Variants in PEX5L observed in about 807,000 individuals in gnomAD.
PEX5L encodes PEX5-related protein.
A neutral mutation model predicts 84.0 loss-of-function variants in PEX5L; 30 were observed. That is an observed-to-expected ratio of 0.36 (90% confidence interval 0.27 to 0.48). PEX5L has a LOEUF of 0.48. Among genes scored for constraint, PEX5L ranks in the 20% least tolerant of loss-of-function variants. The probability of loss-of-function intolerance (pLI) is 0.99; values close to 1 mark genes in which losing one functional copy is unlikely to be tolerated. For missense variants in PEX5L, 533 were observed against 754.6 expected (o/e 0.71, Z 3.44); for synonymous variants, 270 against 283.1 (o/e 0.95, Z 0.46).
chr3:179,948,121 T>A (rs1002166546), intron 2 of PEX5L, among the ~76,000 whole-genome samples: 6 of 152,238 alleles, frequency 3.9e-5, no homozygotes, highest in Non-Finnish European at 8.8e-5. Flanking sequence ...CATTACCATC[T>A]AGGAATAAAT....
chr3:179,816,798 T>C (rs1164150358), intron 9 of PEX5L, among the ~76,000 whole-genome samples: 1 of 152,148 alleles, frequency 6.6e-6, no homozygotes, highest in African/African-American at 2.4e-5. Flanking sequence ...AATTTAAATT[T>C]CTGCTTTTCC....
chr3:180,024,493 T>C (rs1579392175), intron 1 of PEX5L, among the ~76,000 whole-genome samples: 1 of 144,244 alleles, frequency 6.9e-6, no homozygotes, highest in Middle Eastern at 3.7e-3. Flanking sequence ...TGCAGTGAGC[T>C]GAGATCATGC....
At chr3:179,926,414 T>C (rs1771473522) in intron 2 of PEX5L, among the ~76,000 whole-genome samples, 1 of 152,186 alleles carries the variant, frequency 6.6e-6, no homozygotes, top group African/African-American at 2.4e-5. Flanking sequence ...CTAAGGCTTG[T>C]TCCAACCTCA....
intron 1 of PEX5L, among the ~76,000 whole-genome samples, chr3:180,001,866 GTTTAT>G (rs1319549611): frequency 6.6e-6 from 1 of 151,994 alleles, no homozygotes; most frequent in Non-Finnish European, 1.5e-5. Context: ...ACAAGATAAT[GTTTAT>G]TTTATCTATA....
intron 3 of PEX5L, among the ~76,000 whole-genome samples, chr3:179,891,357 A>C (rs1239212414): frequency 1.3e-5 from 2 of 152,172 alleles, no homozygotes; most frequent in Admixed American, 1.3e-4. Flanking sequence ...TTAGCTATTG[A>C]GAAATGCTTG....
chr3:179,972,382 A>C (rs1784983956), intron 1 of PEX5L, among the ~76,000 whole-genome samples: 2 of 152,136 alleles, frequency 1.3e-5, no homozygotes, highest in Non-Finnish European at 2.9e-5. Flanking sequence ...TAAAGTTAGA[A>C]AAGGACATAG....
chr3:179,970,092 C>T (rs1318037372), intron 2 of PEX5L, among the ~76,000 whole-genome samples: 1 of 148,946 alleles, frequency 6.7e-6, no homozygotes, highest in African/African-American at 2.5e-5. Flanking sequence ...AAGATTTAGG[C>T]AAAAAAGAAA....
intron 8 of PEX5L, among the ~76,000 whole-genome samples, chr3:179,826,339 C>T (rs956546523): frequency 2.6e-5 from 4 of 152,172 alleles, no homozygotes; most frequent in Admixed American, 1.3e-4. Context: ...GAAGGGGTCA[C>T]TTTTGAAAGG....
Position 179,808,416 on chromosome 3 carries a change from C to A in PEX5L, c.1374G>T (p.Lys458Asn), listed in dbSNP as rs139246095. The A allele has an allele frequency of 6.4e-7, 1 of 1,552,694 alleles. No individual in the cohort carries two copies. Among genetic ancestry groups the A allele is most frequent in the South Asian group, 1.2e-5 (1 of 80,774 alleles). ...PVDSSVLEGV[K>N]ELYLEAAHQN... ...GGTGGGCAGCTTCCAGATATAATTC[C>A]TTCACCCCTTCCAGAACAGAGCTAC... Residue 458 changes from lysine to asparagine, a missense_variant, in exon 13 of 15, where the codon AAG becomes AAT. Lys to Asn is a moderately conservative substitution (Grantham distance 94). Transcript: ENST00000467460.
In PEX5L at chr3:179,799,296, G is replaced by A. The variant is rs1192961771; in HGVS notation, c.*2532C>T. On this transcript the variant is annotated 3_prime_UTR_variant, in exon 15 of 15. Transcript: ENST00000467460. The stretch of plus-strand genomic sequence containing the variant: ...GAAAAATGCAACTCTTTTCCTCTTG[G>A]GCCGTAATTCTGGACTTCTTGACAG... 1 of 151,838 alleles carries A rather than the reference G, an allele frequency of 6.6e-6. No homozygotes were observed. The highest frequency in any genetic ancestry group is 1.9e-4 in the East Asian group (1 of 5,168). 9.4% of individuals were successfully genotyped at this position (151,838 alleles called of 1,614,324 possible).
chr3:179,924,085 A>C (rs2109471960), intron 2 of PEX5L, among the ~76,000 whole-genome samples: 1 of 152,314 alleles, frequency 6.6e-6, no homozygotes, highest in East Asian at 1.9e-4. Context: ...CCACACTGGG[A>C]ACACTGGGTT....
At chr3:179,924,084 G>C (rs1158479692) in intron 2 of PEX5L, among the ~76,000 whole-genome samples, 1 of 152,196 alleles carries the variant, frequency 6.6e-6, no homozygotes, top group Non-Finnish European at 1.5e-5. Context: ...GCCACACTGG[G>C]AACACTGGGT....
intron 1 of PEX5L, among the ~76,000 whole-genome samples, chr3:179,997,903 G>A (rs1788041639): frequency 6.6e-6 from 1 of 152,132 alleles, no homozygotes; most frequent in Admixed American, 6.5e-5. Flanking sequence ...CCTACCTCAG[G>A]GGTATATCAA....
At chr3:179,945,157 C>A (rs1438264186) in intron 2 of PEX5L, among the ~76,000 whole-genome samples, 2 of 152,280 alleles carry the variant, frequency 1.3e-5, no homozygotes, top group African/African-American at 4.8e-5. Flanking sequence ...TTACCGTGGT[C>A]TTCATATCAC....
chr3:179,837,181 T>C (rs1735274012), intron 8 of PEX5L, among the ~76,000 whole-genome samples: 2 of 152,176 alleles, frequency 1.3e-5, no homozygotes, highest in South Asian at 4.1e-4. Context: ...AATTGCTCTG[T>C]TCCTGAAAAC....
At chr3:180,031,465 A>G (rs1791459509) in intron 1 of PEX5L, among the ~76,000 whole-genome samples, 1 of 152,138 alleles carries the variant, frequency 6.6e-6, no homozygotes. Flanking sequence ...TGTGTTTTAT[A>G]TGTTCTGAAT....
chr3:179,833,284 GTA>G (rs1362683527), intron 8 of PEX5L, among the ~76,000 whole-genome samples: 1 of 152,208 alleles, frequency 6.6e-6, no homozygotes, highest in Non-Finnish European at 1.5e-5. Context: ...TATTGAATAT[GTA>G]TAGTTTTAAA....
chr3:179,940,615 C>T (rs936372182), intron 2 of PEX5L, among the ~76,000 whole-genome samples: 10 of 152,092 alleles, frequency 6.6e-5, no homozygotes, highest in African/African-American at 1.9e-4. Context: ...ATATACTGGA[C>T]ATAGAATACT....
intron 8 of PEX5L, among the ~76,000 whole-genome samples, chr3:179,835,041 G>T (rs1241011105): frequency 1.3e-5 from 2 of 152,184 alleles, no homozygotes; most frequent in African/African-American, 2.4e-5. Context: ...AGAGACTGGA[G>T]TGGTGTGGCT....
Sources: allele counts gnomAD v4.1 joint callset (sites outside exome capture counted in the v4.1 genomes callset), GRCh38; gene constraint gnomAD v4.1.1; transcripts MANE v1.5; gene names NCBI Gene and HGNC (gene_info 2026-07-23, HGNC 2026-07-21).